The following DLG2 variants were observed in gnomAD, a reference collection of about 807,000 sequenced individuals.
DLG2 encodes disks large homolog 2.
In DLG2, 45 loss-of-function variants were observed where a neutral mutation model predicts 132.5. The ratio of observed to expected loss-of-function variants is 0.34; its 90% CI spans 0.27 to 0.44. DLG2 has a LOEUF of 0.44. Ranked by LOEUF, DLG2 falls within the 20% of genes least tolerant of loss-of-function variation. The pLI is 1.00. For synonymous variants in DLG2, 424 were observed against 419.6 expected, an observed-to-expected ratio of 1.01 and a Z score of -0.13; for missense variants, 1,045 against 1,196.9, an observed-to-expected ratio of 0.87 and a Z score of 1.87.
intron 6 of DLG2, among the ~76,000 whole-genome samples, chr11:84,857,823 G>C (rs887640236): frequency 6.6e-6 from 1 of 151,438 alleles, no homozygotes; most frequent in African/African-American, 2.4e-5. Context: ...TTGACATCTT[G>C]TTATTTCAAT....
intron 7 of DLG2, among the ~76,000 whole-genome samples, chr11:84,364,023 G>A (rs907028155): frequency 1.3e-5 from 2 of 152,090 alleles, no homozygotes; most frequent in African/African-American, 4.8e-5. Flanking sequence ...GAACTTTAAA[G>A]AAGTTTTTTC....
intron 4 of DLG2, among the ~76,000 whole-genome samples, chr11:85,158,248 A>C (rs1441806975): frequency 1.3e-5 from 2 of 152,230 alleles, no homozygotes; most frequent in Non-Finnish European, 2.9e-5. Context: ...GAACTGGATC[A>C]GGCTGAATTT....
chr11:84,788,321 T>G (rs1485286944), intron 6 of DLG2, among the ~76,000 whole-genome samples: 1 of 152,010 alleles, frequency 6.6e-6, no homozygotes, highest in Admixed American at 6.6e-5. Context: ...CGACCTATAT[T>G]CAACATGAGG....
intron 3 of DLG2, among the ~76,000 whole-genome samples, chr11:85,546,558 G>A (rs533311966): frequency 1.3e-5 from 2 of 152,238 alleles, no homozygotes; most frequent in African/African-American, 4.8e-5. Context: ...GTAATTTTCT[G>A]TGTCATTGAT....
intron 22 of DLG2, among the ~76,000 whole-genome samples, chr11:83,481,307 T>C (rs1173120980): frequency 6.6e-6 from 1 of 152,086 alleles, no homozygotes; most frequent in Non-Finnish European, 1.5e-5. Context: ...TTTTCGCTCA[T>C]CCATACTGCT....
At chr11:85,413,201 T>C (rs781367990) in intron 3 of DLG2, among the ~76,000 whole-genome samples, 7 of 151,994 alleles carry the variant, frequency 4.6e-5, no homozygotes, top group Non-Finnish European at 8.8e-5. Context: ...TGGCCATTTG[T>C]ATATCTTCTT....
At position 85,050,202 on chromosome 11, in the gene DLG2, C is replaced by G. The variant is rs535253631; in HGVS notation, c.357+61459G>C. On this transcript the variant is annotated intron_variant, in intron 6 of 27. Coordinates refer to ENST00000376104, the MANE Select transcript of DLG2 (RefSeq NM_001142699.3). ...CTGAGGGTAAAAAGGTTCATGAAGT[C>G]TTTAGTGGGAACAAAGAAGGAATTA... is the stretch of plus-strand genomic sequence containing the variant. Among the ~76,000 whole-genome samples the G allele has an allele frequency of 9.9e-5, 15 of 151,420 alleles. 1 individual carries two copies. In the South Asian group the frequency reaches 3.1e-3, roughly 32 times the overall value.
intron 6 of DLG2, among the ~76,000 whole-genome samples, chr11:85,074,044 G>A (rs2066205176): frequency 6.6e-6 from 1 of 151,830 alleles, no homozygotes; most frequent in Admixed American, 6.6e-5. Context: ...TAAACATTGA[G>A]TATATATGGA....
intron 7 of DLG2, among the ~76,000 whole-genome samples, chr11:84,470,190 TA>T (rs1250363008): frequency 1.3e-5 from 2 of 151,686 alleles, no homozygotes; most frequent in Non-Finnish European, 3.0e-5. Flanking sequence ...CAAGTGTTGG[TA>T]AACATAGTTG....
At chr11:85,195,387 C>T (rs895260745) in intron 4 of DLG2, among the ~76,000 whole-genome samples, 5 of 151,962 alleles carry the variant, frequency 3.3e-5, no homozygotes, top group Non-Finnish European at 7.4e-5. Context: ...CAAGGCCCTA[C>T]CCCTGTGGAA....
At chr11:84,034,193 G>A (rs1286137736) in intron 11 of DLG2, among the ~76,000 whole-genome samples, 2 of 152,104 alleles carry the variant, frequency 1.3e-5, no homozygotes, top group Non-Finnish European at 2.9e-5. Context: ...TGATCAGTCA[G>A]CAGCCATCAA....
intron 7 of DLG2, among the ~76,000 whole-genome samples, chr11:84,498,104 T>C (rs2099190447): frequency 6.6e-6 from 1 of 152,196 alleles, no homozygotes; most frequent in Non-Finnish European, 1.5e-5. Context: ...CGCCTATCTA[T>C]CCATGTAGTG....
chr11:84,476,581 G>C (rs1440419492), intron 7 of DLG2, among the ~76,000 whole-genome samples: 28 of 152,162 alleles, frequency 1.8e-4, no homozygotes, highest in Admixed American at 1.8e-3. Flanking sequence ...AATGTTAATT[G>C]TTCAAGAAAA....
At chr11:83,767,206 T>C (rs2094181446) in intron 18 of DLG2, among the ~76,000 whole-genome samples, 1 of 152,180 alleles carries the variant, frequency 6.6e-6, no homozygotes, top group Admixed American at 6.5e-5. Flanking sequence ...TATTCTGTAG[T>C]GTTCTTTTTT....
At chr11:84,638,106 A>C (rs958200100) in intron 6 of DLG2, among the ~76,000 whole-genome samples, 4 of 152,202 alleles carry the variant, frequency 2.6e-5, no homozygotes, top group African/African-American at 7.2e-5. Context: ...ATTTTGATCC[A>C]ATATTAGATG....
At chr11:84,179,235 G>T (rs1281739919) in intron 8 of DLG2, among the ~76,000 whole-genome samples, 1 of 152,168 alleles carries the variant, frequency 6.6e-6, no homozygotes, top group Non-Finnish European at 1.5e-5. Flanking sequence ...GTTTGGGGCT[G>T]ATGGCCTACT....
intron 3 of DLG2, among the ~76,000 whole-genome samples, chr11:85,422,638 G>T (rs944270677): frequency 1.3e-5 from 2 of 151,794 alleles, no homozygotes; most frequent in African/African-American, 2.4e-5. Context: ...TTATAGACAC[G>T]TGCCACCACA....
chr11:84,115,859 G>A (rs924640037), intron 9 of DLG2, among the ~76,000 whole-genome samples: 1 of 152,196 alleles, frequency 6.6e-6, no homozygotes, highest in African/African-American at 2.4e-5. Context: ...CCTCACTAGA[G>A]TATAAGCTCC....
chr11:83,552,443 A>G (rs1230188382), intron 19 of DLG2, among the ~76,000 whole-genome samples: 1 of 152,114 alleles, frequency 6.6e-6, no homozygotes, highest in Non-Finnish European at 1.5e-5. Context: ...TATGTTAGGA[A>G]TTAGTATAGG....
Sources: allele counts gnomAD v4.1 joint callset (sites outside exome capture counted in the v4.1 genomes callset), GRCh38; gene constraint gnomAD v4.1.1; transcripts MANE v1.5; gene names NCBI Gene and HGNC (gene_info 2026-07-23, HGNC 2026-07-21).